VPS53: variants seen among roughly 807,000 people sequenced by gnomAD.
VPS53 encodes the protein VPS53 subunit of GARP complex, also known as vacuolar protein sorting-associated protein 53 homolog.
Under a neutral mutation model 107.0 loss-of-function variants are expected in VPS53, and 70 were observed. The ratio of observed to expected loss-of-function variants is 0.65; its 90% CI spans 0.54 to 0.80. VPS53 has a LOEUF of 0.80. VPS53 is among the 30% of genes least tolerant of loss of function. VPS53 has a pLI of 0.00. For synonymous variants in VPS53, 409 were observed against 393.3 expected, an observed-to-expected ratio of 1.04 and a Z score of -0.47; for missense variants, 917 against 1,049.4, an observed-to-expected ratio of 0.87 and a Z score of 1.74.
intron 4 of VPS53, among the ~76,000 whole-genome samples, chr17:677,731 T>C (rs1358654066): frequency 6.6e-6 from 1 of 151,948 alleles, no homozygotes; most frequent in Non-Finnish European, 1.5e-5. Flanking sequence ...TGTTAAAATA[T>C]AGCCATATAA....
Position 654,896 on chromosome 17 carries a change from G to A in VPS53, c.488+942C>T, listed in dbSNP as rs577016982. On this transcript the variant is annotated intron_variant, in intron 6 of 21. Coordinates refer to ENST00000437048, the MANE Select transcript of VPS53 (RefSeq NM_001128159.3). ...GTTTGGTGGACACCGACCACCCCAC[G>A]AAGGAACAAATGTGACCGCCCTCTG... Among the ~76,000 whole-genome samples the A allele has an allele frequency of 1.1e-4, 17 of 152,224 alleles. No individual in the cohort carries two copies. The East Asian group carries it at 2.1e-3, about 19-fold the overall frequency.
intron 7 of VPS53, among the ~76,000 whole-genome samples, chr17:634,042 G>C (rs1010846160): frequency 2.0e-4 from 30 of 152,306 alleles, no homozygotes; most frequent in African/African-American, 6.7e-4. Context: ...CTCCTCACAG[G>C]GGAAGTCCAG....
intron 18 of VPS53, among the ~76,000 whole-genome samples, chr17:533,652 A>G (rs756851453): frequency 3.9e-5 from 6 of 152,218 alleles, no homozygotes; most frequent in Non-Finnish European, 7.4e-5. Context: ...CATACTCTAC[A>G]TGGAGTCTGC....
At chr17:645,171 G>T (rs1009407327) in intron 7 of VPS53, among the ~76,000 whole-genome samples, 2 of 152,166 alleles carry the variant, frequency 1.3e-5, no homozygotes, top group Admixed American at 1.3e-4. Context: ...GGCAGCAAAA[G>T]CAAAAAGAAA....
chr17:554,443 G>A (rs1273287349), intron 15 of VPS53, among the ~76,000 whole-genome samples: 1 of 151,968 alleles, frequency 6.6e-6, no homozygotes, highest in Admixed American at 6.6e-5. Context: ...CACTCTTGTT[G>A]CCCAGGCTGG....
At chr17:642,402 C>G (rs138344930) in intron 7 of VPS53, among the ~76,000 whole-genome samples, 11,798 of 141,150 alleles carry the variant, frequency 0.084, 826 homozygotes, top group East Asian at 0.21. Context: ...TACTCGGAAA[C>G]CGAGGACAAC....
chr17:662,887 AAGGAAGGC>A (rs1355431085), intron 4 of VPS53, among the ~76,000 whole-genome samples: 5 of 119,942 alleles, frequency 4.2e-5, no homozygotes, highest in South Asian at 6.2e-4. Flanking sequence ...GGAAGGAAGG[AAGGAAGGC>A]AGGCAGGCAG....
chr17:612,906 C>A (rs1968958102), intron 11 of VPS53, among the ~76,000 whole-genome samples: 1 of 150,234 alleles, frequency 6.7e-6, no homozygotes, highest in Non-Finnish European at 1.5e-5. Flanking sequence ...ACATAGTTCA[C>A]ACAGTGAAAA....
intron 7 of VPS53, among the ~76,000 whole-genome samples, chr17:640,429 C>A (rs1361060072): frequency 6.6e-6 from 1 of 152,082 alleles, no homozygotes; most frequent in Non-Finnish European, 1.5e-5. Flanking sequence ...TCCGACAAGC[C>A]CCAATGAGAT....
Position 557,089 on chromosome 17 carries a change from G to A in VPS53, c.1704+3337C>T, listed in dbSNP as rs371394085. ...ACTGGTCTTAAACTCCTGACCTCAA[G>A]TGATCCACCCTCCTCAGCCTCCCAA... On this transcript the variant is annotated intron_variant, in intron 15 of 21. Coordinates refer to ENST00000437048, the MANE Select transcript of VPS53 (RefSeq NM_001128159.3). 1.6e-4 allele frequency among the ~76,000 whole-genome samples: 25 copies of A among 152,330 alleles called. No homozygotes were observed. The East Asian group carries it at 4.4e-3, about 27-fold the overall frequency.
intron 12 of VPS53, among the ~76,000 whole-genome samples, chr17:593,817 C>A (rs1463451973): frequency 6.6e-6 from 1 of 152,022 alleles, no homozygotes; most frequent in Non-Finnish European, 1.5e-5. Flanking sequence ...GGGTATATAC[C>A]CAAAGGACTA....
In VPS53 at chr17:520,377, T is replaced by C. The variant is rs1253161930; in HGVS notation, c.2224-447A>G. ...TCACCAGTACACGGTACTTGCTCCTTCTGCCTTGACGTACTATGATTCCTG... is the reference window on the plus strand; with the variant it reads ...TCACCAGTACACGGTACTTGCTCCTCCTGCCTTGACGTACTATGATTCCTG... On this transcript the variant is annotated intron_variant, in intron 20 of 21. Coordinates refer to ENST00000437048, the MANE Select transcript of VPS53 (RefSeq NM_001128159.3). This position sits in a 1 kb window ranked among gnomAD's most constrained non-coding sequence, Gnocchi z 4.4. Among the ~76,000 whole-genome samples, 2 of 152,176 alleles carry C rather than the reference T, an allele frequency of 1.3e-5. No homozygotes were observed. The highest frequency in any genetic ancestry group is 4.8e-5 in the African/African-American group (2 of 41,432).
In VPS53 at chr17:537,176, T is replaced by C. The variant is rs1415833554; in HGVS notation, c.1867A>G (p.Met623Val). Reference sequence around the variant, plus strand: ...ACGTGCTCCACGTTCTGCCACTGCATCTGAAAGGGAGAAAGGATGAGGCGT... The same window carrying C: ...ACGTGCTCCACGTTCTGCCACTGCACCTGAAAGGGAGAAAGGATGAGGCGT... ...CDPALTAMSK[M>V]QWQNVEHVGD... is the part of the protein sequence containing the mutation. The change falls in exon 18 of 22, where the codon ATG becomes GTG. Residue 623 changes from methionine to valine, a missense_variant and splice_region_variant. Coordinates refer to ENST00000437048, the MANE Select transcript of VPS53 (RefSeq NM_001128159.3). 1.9e-6 allele frequency: 3 copies of C among 1,613,736 alleles called. No homozygotes were observed. Among genetic ancestry groups the C allele is most frequent in the African/African-American group, 1.3e-5 (1 of 74,834 alleles).
intron 4 of VPS53, chr17:674,875 T>A (rs1209780228): frequency 6.6e-6 from 1 of 152,246 alleles, no homozygotes; most frequent in East Asian, 1.9e-4. Context: ...ATGCGGGCCA[T>A]CTCTTCATCT....
intron 1 of VPS53, 24 bp downstream of exon 1, chr17:714,599 C>T: frequency 1.3e-6 from 2 of 1,595,496 alleles, no homozygotes; most frequent in Admixed American, 3.4e-5. Context: ...TCCCGTTTCC[C>T]CTCCTGAGGG....
chr17:659,437 C>A (rs1013539490), intron 5 of VPS53, among the ~76,000 whole-genome samples: 1 of 152,116 alleles, frequency 6.6e-6, no homozygotes, highest in African/African-American at 2.4e-5. Context: ...TGCTCCACGA[C>A]GCCTGGTTAA....
chr17:659,836 A>G (rs990611000), intron 5 of VPS53, among the ~76,000 whole-genome samples: 1 of 152,106 alleles, frequency 6.6e-6, no homozygotes, highest in Non-Finnish European at 1.5e-5. Context: ...ACTGCTCTGC[A>G]CTGGAGCTGA....
At chr17:597,103 T>C (rs1407830431) in intron 12 of VPS53, among the ~76,000 whole-genome samples, 2 of 152,208 alleles carry the variant, frequency 1.3e-5, no homozygotes, top group African/African-American at 2.4e-5. Flanking sequence ...TGGCAACTGA[T>C]TGCTCAGGCC....
intron 4 of VPS53, among the ~76,000 whole-genome samples, chr17:664,458 C>A (rs964007608): frequency 1.3e-5 from 2 of 151,870 alleles, no homozygotes; most frequent in Admixed American, 6.6e-5. Context: ...TTTGGAGGTC[C>A]GAAAAGACAG....
Sources: allele counts gnomAD v4.1 joint callset (sites outside exome capture counted in the v4.1 genomes callset), GRCh38; gene constraint gnomAD v4.1.1; non-coding constraint Gnocchi (gnomAD v3.1); transcripts MANE v1.5; gene names NCBI Gene and HGNC (gene_info 2026-07-23, HGNC 2026-07-21).